Variants in KCNIP4 observed in about 807,000 individuals in gnomAD.
KCNIP4 encodes the protein potassium voltage-gated channel interacting protein 4, also known as Kv channel-interacting protein 4.
KCNIP4 carries 12 observed loss-of-function variants against 34.0 expected under a neutral mutation model. The observed-to-expected ratio is 0.35, with a 90% CI of 0.23 to 0.57. The LOEUF (loss-of-function observed/expected upper bound fraction) is 0.57. KCNIP4 is among the 20% of genes least tolerant of loss of function. KCNIP4 has a pLI of 0.83. For missense variants in KCNIP4, 238 were observed against 311.7 expected, an observed-to-expected ratio of 0.76 and a Z score of 1.78; for synonymous variants, 124 against 102.2, an observed-to-expected ratio of 1.21 and a Z score of -1.29.
intron 1 of KCNIP4, among the ~76,000 whole-genome samples, chr4:20,907,520 T>C (rs925979764): frequency 6.6e-6 from 1 of 152,156 alleles, no homozygotes; most frequent in Non-Finnish European, 1.5e-5. Context: ...CATTGAGGTA[T>C]TACATATAAC....
chr4:21,742,063 C>G (rs1227743814), intron 1 of KCNIP4, among the ~76,000 whole-genome samples: 1 of 151,914 alleles, frequency 6.6e-6, no homozygotes, highest in Non-Finnish European at 1.5e-5. Flanking sequence ...CAAACAAAAA[C>G]AAACAAAAAA....
chr4:20,807,834 G>T (rs1299754427), intron 3 of KCNIP4, among the ~76,000 whole-genome samples: 1 of 152,106 alleles, frequency 6.6e-6, no homozygotes, highest in African/African-American at 2.4e-5. Context: ...AGATTAAATA[G>T]AAATCACTCC....
intron 1 of KCNIP4, among the ~76,000 whole-genome samples, chr4:21,203,195 G>A (rs1468564362): frequency 6.6e-6 from 1 of 152,188 alleles, no homozygotes; most frequent in African/African-American, 2.4e-5. Flanking sequence ...CCTGCAATGT[G>A]GAATAGAAGG....
chr4:21,446,815 A>T (rs925582606), intron 1 of KCNIP4, among the ~76,000 whole-genome samples: 3 of 152,160 alleles, frequency 2.0e-5, no homozygotes, highest in Non-Finnish European at 4.4e-5. Flanking sequence ...TTCACTTAGC[A>T]TATTGCATTT....
chr4:21,575,197 C>T (rs1317579212), intron 1 of KCNIP4, among the ~76,000 whole-genome samples: 1 of 151,000 alleles, frequency 6.6e-6, no homozygotes, highest in Non-Finnish European at 1.5e-5. Flanking sequence ...GCTGGGTAGC[C>T]ATGGAGTTTA....
intron 8 of KCNIP4, 59 bp from the exon 9 acceptor site, chr4:20,730,188 A>G (rs901703838): frequency 2.9e-5 from 45 of 1,539,128 alleles, no homozygotes; most frequent in East Asian, 4.7e-5. Flanking sequence ...AAAGTACACT[A>G]TTTTGCCCCT....
chr4:21,589,194 ATATATATGTG>A (rs1741931790), intron 1 of KCNIP4, among the ~76,000 whole-genome samples: 2 of 47,276 alleles, frequency 4.2e-5, no homozygotes, highest in Non-Finnish European at 9.0e-5. Context: ...ATATATATAT[ATATATATGTG>A]TACATATATA....
chr4:21,288,236 C>T (rs1340188045), intron 1 of KCNIP4, among the ~76,000 whole-genome samples: 1 of 152,184 alleles, frequency 6.6e-6, no homozygotes, highest in East Asian at 1.9e-4. Context: ...CACAGCACAA[C>T]TATCCTTCCC....
intron 1 of KCNIP4, chr4:21,851,107 G>T (rs1164586929): frequency 6.7e-6 from 1 of 150,234 alleles, no homozygotes; most frequent in Non-Finnish European, 1.5e-5. Context: ...AAATAAGGTT[G>T]AAATATGCTG....
intron 1 of KCNIP4, among the ~76,000 whole-genome samples, chr4:21,646,261 T>G (rs891870354): frequency 2.0e-5 from 3 of 152,198 alleles, no homozygotes; most frequent in African/African-American, 7.2e-5. Flanking sequence ...TCAAATTGGT[T>G]GAGTTGCCAA....
chr4:21,543,171 G>A (rs1171724641), intron 1 of KCNIP4, among the ~76,000 whole-genome samples: 1 of 152,032 alleles, frequency 6.6e-6, no homozygotes, highest in Non-Finnish European at 1.5e-5. Context: ...TCAACTCTGT[G>A]ATAAGCCTGA....
intron 1 of KCNIP4, among the ~76,000 whole-genome samples, chr4:21,395,345 A>C (rs541789496): frequency 1.3e-5 from 2 of 152,128 alleles, no homozygotes; most frequent in Non-Finnish European, 2.9e-5. Flanking sequence ...ATTATCATAC[A>C]TCTTTTAATC....
intron 1 of KCNIP4, among the ~76,000 whole-genome samples, chr4:21,544,943 G>A (rs576127135): frequency 2.4e-4 from 37 of 152,150 alleles, no homozygotes; most frequent in African/African-American, 8.4e-4. Context: ...GAACTAGAAC[G>A]ACTCCATCTT....
chr4:21,612,078 C>T (rs558728336), intron 1 of KCNIP4, among the ~76,000 whole-genome samples: 79 of 152,174 alleles, frequency 5.2e-4, no homozygotes, highest in Admixed American at 9.2e-4. Flanking sequence ...GTGGGATATA[C>T]GCCTGTCAAC....
chr4:21,280,442 A>G (rs549475517), intron 1 of KCNIP4, among the ~76,000 whole-genome samples: 85 of 152,304 alleles, frequency 5.6e-4, no homozygotes, highest in African/African-American at 1.9e-3. Context: ...AGCACCTGTT[A>G]TCTCTACCAC....
chr4:21,525,935 A>G (rs916396145), intron 1 of KCNIP4, among the ~76,000 whole-genome samples: 1 of 152,180 alleles, frequency 6.6e-6, no homozygotes, highest in Non-Finnish European at 1.5e-5. Flanking sequence ...TATAAACTAC[A>G]TTACAACAAA....
chr4:21,852,601 T>C (rs1028841006), intron 1 of KCNIP4: 1 of 152,182 alleles, frequency 6.6e-6, no homozygotes, highest in African/African-American at 2.4e-5. Context: ...TAATTAGAGA[T>C]AGTGTGAACC....
intron 1 of KCNIP4, among the ~76,000 whole-genome samples, chr4:21,217,892 A>G (rs963379060): frequency 6.6e-6 from 1 of 152,060 alleles, no homozygotes; most frequent in African/African-American, 2.4e-5. Context: ...GGTTAATTAT[A>G]TAGATTTTGA....
At chr4:21,525,440 A>G (rs955760054) in intron 1 of KCNIP4, among the ~76,000 whole-genome samples, 3 of 152,158 alleles carry the variant, frequency 2.0e-5, no homozygotes, top group Non-Finnish European at 4.4e-5. Flanking sequence ...AGAGGAGTAG[A>G]GAGGCTTACA....
Sources: gnomAD v4.1 joint callset for allele counts (sites outside exome capture counted in the v4.1 genomes callset) on GRCh38, gnomAD v4.1.1 for gene constraint, MANE v1.5 for transcripts, NCBI Gene and HGNC (gene_info 2026-07-23, HGNC 2026-07-21) for gene names.